The following FNDC3A variants were observed in gnomAD, a reference collection of about 807,000 sequenced individuals.
FNDC3A encodes fibronectin type III domain containing 3A.
FNDC3A carries 32 observed loss-of-function variants against 148.9 expected under a neutral mutation model. The ratio of observed to expected loss-of-function variants is 0.21; its 90% CI spans 0.16 to 0.29. FNDC3A has a LOEUF of 0.29. Among genes scored for constraint, FNDC3A ranks in the 10% least tolerant of loss-of-function variants. The probability of loss-of-function intolerance (pLI) is 1.00; values close to 1 mark genes in which losing one functional copy is unlikely to be tolerated. For missense variants in FNDC3A, 1,191 were observed against 1,452.8 expected (o/e 0.82, Z 2.93); for synonymous variants, 472 against 473.6 (o/e 1.00, Z 0.04).
intron 13 of FNDC3A, among the ~76,000 whole-genome samples, chr13:49,177,600 T>C (rs1262803109): frequency 2.0e-5 from 3 of 152,192 alleles, no homozygotes; most frequent in African/African-American, 7.2e-5. Context: ...ATAGCAGCAT[T>C]ATTCATAATA....
rs751635140 is a variant in FNDC3A, at chr13:49,191,274, A to G, written c.2116A>G (p.Lys706Glu). 6.8e-6 allele frequency: 11 copies of G among 1,613,382 alleles called. No homozygotes were observed. The Middle Eastern group carries it at 4.9e-4, about 72-fold the overall frequency. Residue 706 changes from lysine to glutamate, a missense_variant, in exon 19 of 26, where the codon AAA becomes GAA. Lys to Glu is a moderately conservative substitution (Grantham distance 56). Coordinates refer to ENST00000492622, the MANE Select transcript of FNDC3A (RefSeq NM_001079673.2). The part of the protein sequence containing the change: ...CYSVEMSPIE[K>E]DEPREVYQGS... ...CAGTGTGGAAATGTCTCCTATAGAA[A>G]AAGATGAACCTAGAGAAGTTTACCA...
At chr13:49,198,293 T>G in intron 22 of FNDC3A, 28 bp downstream of exon 22, 1 of 1,610,936 alleles carries the variant, frequency 6.2e-7, no homozygotes, top group Non-Finnish European at 8.5e-7. Context: ...TGTTGATTTT[T>G]GCCTAGACCA....
chr13:49,207,883 A>T lies in FNDC3A; in HGVS notation c.*488A>T, dbSNP rs1158828227. The T allele has an allele frequency of 6.5e-6, 1 of 152,858 alleles. No homozygotes were observed. The highest frequency in any genetic ancestry group is 2.1e-4 in the South Asian group (1 of 4,830). The allele number at this position is 152,858 out of a possible 1,614,324, so 9.5% of individuals were successfully genotyped here. On this transcript the variant is annotated 3_prime_UTR_variant, in exon 26 of 26. Transcript: ENST00000492622. ...TTCTACCTCCTCATTTGTCTTAATT[A>T]TTTGGTAAGTGGGATTATGATGAGT... is the stretch of plus-strand genomic sequence containing the variant.
chr13:49,183,135 T>C (rs747289037), intron 14 of FNDC3A, among the ~76,000 whole-genome samples: 1 of 152,148 alleles, frequency 6.6e-6, no homozygotes, highest in Non-Finnish European at 1.5e-5. Context: ...CTCACCAGAT[T>C]AACTACTCAT....
chr13:49,024,337 A>G lies in FNDC3A; in HGVS notation c.99+18048A>G, dbSNP rs915218817. Among the ~76,000 whole-genome samples, 102 of 152,176 alleles carry G rather than the reference A, an allele frequency of 6.7e-4. 1 individual carries two copies. The highest frequency in any genetic ancestry group is 2.1e-4 in the Non-Finnish European group (14 of 67,914). On this transcript the variant is annotated intron_variant, in intron 2 of 25. Transcript: ENST00000492622. ...ACCAGTTTTCCTCAAATTATTCCAA[A>G]AAGTTAAAGCAGAAAGAACTGTTCC...
At chr13:49,049,023 G>C (rs567747491) in intron 2 of FNDC3A, among the ~76,000 whole-genome samples, 10 of 152,056 alleles carry the variant, frequency 6.6e-5, no homozygotes, top group African/African-American at 1.4e-4. Context: ...AATCATAAAG[G>C]GGTGCTGGAT....
intron 3 of FNDC3A, among the ~76,000 whole-genome samples, chr13:49,090,005 TC>T (rs1879079562): frequency 6.6e-6 from 1 of 152,172 alleles, no homozygotes; most frequent in South Asian, 2.1e-4. Context: ...TGGCCTGCCA[TC>T]CCTAGGTTGC....
intron 1 of FNDC3A, among the ~76,000 whole-genome samples, chr13:48,983,268 T>C (rs1951728448): frequency 6.6e-6 from 1 of 152,240 alleles, no homozygotes; most frequent in South Asian, 2.1e-4. Context: ...ATGCAAAATG[T>C]TTCCATAATA....
At position 49,186,055 on chromosome 13, in the gene FNDC3A, C is replaced by T. The variant is rs1459757348; in HGVS notation, c.1709C>T (p.Pro570Leu). The T allele has an allele frequency of 2.5e-6, 4 of 1,612,934 alleles. No individual in the cohort carries two copies. Among genetic ancestry groups the T allele is most frequent in the Admixed American group, 1.7e-5 (1 of 60,014 alleles). The change falls in exon 15 of 26, where the codon CCT becomes CTT. Residue 570 changes from proline to leucine, a missense_variant. Transcript: ENST00000492622. The part of the protein sequence containing the change: ...CPDKPGIPVK[P>L]SVKGKIHSHS... Reference sequence around the variant, plus strand: ...GATAAACCAGGCATACCTGTAAAGCCTTCAGTGAAAGGAAAGATACATTCA... The same window carrying T: ...GATAAACCAGGCATACCTGTAAAGCTTTCAGTGAAAGGAAAGATACATTCA...
chr13:49,183,037 C>A (rs925361090), intron 14 of FNDC3A, among the ~76,000 whole-genome samples: 6 of 152,104 alleles, frequency 3.9e-5, no homozygotes, highest in African/African-American at 1.4e-4. Flanking sequence ...CTCTAAGAAA[C>A]AATTTCCTTA....
chr13:48,983,821 T>A (rs559402398), intron 1 of FNDC3A, among the ~76,000 whole-genome samples: 1 of 152,138 alleles, frequency 6.6e-6, no homozygotes, highest in Non-Finnish European at 1.5e-5. Context: ...CTTTCATTAA[T>A]AGATAGGAAC....
chr13:49,190,542 T>C (rs1184506201), intron 17 of FNDC3A, among the ~76,000 whole-genome samples: 2 of 152,198 alleles, frequency 1.3e-5, no homozygotes, highest in Non-Finnish European at 2.9e-5. Flanking sequence ...TAAATCAGTG[T>C]TTAGGTTAAA....
At chr13:49,097,197 G>A (rs184861771) in intron 3 of FNDC3A, among the ~76,000 whole-genome samples, 3 of 152,034 alleles carry the variant, frequency 2.0e-5, no homozygotes, top group African/African-American at 7.2e-5. Context: ...GAAGCTCAGT[G>A]TGGAGGGTGA....
chr13:48,993,547 CA>C (rs915117737), intron 1 of FNDC3A, among the ~76,000 whole-genome samples: 69 of 152,058 alleles, frequency 4.5e-4, no homozygotes, highest in African/African-American at 1.6e-3. Flanking sequence ...AGGAATTTGA[CA>C]AAAAAATTTT....
chr13:49,151,176 T>TG (rs996666715), intron 8 of FNDC3A, among the ~76,000 whole-genome samples: 3 of 151,784 alleles, frequency 2.0e-5, no homozygotes, highest in Admixed American at 6.6e-5. Flanking sequence ...ATGCTGAGAG[T>TG]GGGGGGTTGA....
intron 5 of FNDC3A, among the ~76,000 whole-genome samples, chr13:49,135,434 C>A (rs1207053111): frequency 6.6e-6 from 1 of 152,070 alleles, no homozygotes; most frequent in Non-Finnish European, 1.5e-5. Flanking sequence ...AATCCAAGGT[C>A]ATAGAGACGT....
At chr13:48,986,850 T>C (rs914451237) in intron 1 of FNDC3A, among the ~76,000 whole-genome samples, 4 of 152,190 alleles carry the variant, frequency 2.6e-5, no homozygotes, top group African/African-American at 9.6e-5. Context: ...AATCTACTTA[T>C]AGGAAATAAA....
chr13:49,193,058 C>T (rs892331780), intron 19 of FNDC3A, among the ~76,000 whole-genome samples: 2 of 152,094 alleles, frequency 1.3e-5, no homozygotes, highest in South Asian at 2.1e-4. Context: ...CCCTATAGGA[C>T]TTGAGGAACA....
intron 3 of FNDC3A, among the ~76,000 whole-genome samples, chr13:49,081,574 A>G (rs1405457035): frequency 5.9e-5 from 9 of 152,196 alleles, no homozygotes; most frequent in African/African-American, 1.7e-4. Context: ...TAATTTTGTC[A>G]TAGAGAAGAT....
Sources: gnomAD v4.1 joint callset for allele counts (sites outside exome capture counted in the v4.1 genomes callset) on GRCh38, gnomAD v4.1.1 for gene constraint, MANE v1.5 for transcripts, NCBI Gene and HGNC (gene_info 2026-07-23, HGNC 2026-07-21) for gene names.